The following CSNK1G1 variants were observed in gnomAD, a reference collection of about 807,000 sequenced individuals.
CSNK1G1 encodes the protein casein kinase 1 gamma 1.
A neutral mutation model predicts 59.6 loss-of-function variants in CSNK1G1; 22 were observed. That is an observed-to-expected ratio of 0.37 (90% CI 0.26 to 0.53). The LOEUF is 0.53. Ranked by LOEUF, CSNK1G1 falls within the 20% of genes least tolerant of loss-of-function variation. The probability of loss-of-function intolerance (pLI) is 0.89; values close to 1 mark genes in which losing one functional copy is unlikely to be tolerated. For synonymous variants in CSNK1G1, 179 were observed against 177.1 expected, an observed-to-expected ratio of 1.01 and a Z score of -0.08; for missense variants, 384 against 519.5, an observed-to-expected ratio of 0.74 and a Z score of 2.54.
chr15:64,278,686 C>CA (rs1893943184), intron 2 of CSNK1G1, among the ~76,000 whole-genome samples: 1 of 152,100 alleles, frequency 6.6e-6, no homozygotes, highest in African/African-American at 2.4e-5. Flanking sequence ...CTTGGCCTCC[C>CA]AAGTGCTGGG....
intron 1 of CSNK1G1, among the ~76,000 whole-genome samples, chr15:64,340,198 G>A (rs756546699): frequency 5.3e-5 from 8 of 152,104 alleles, no homozygotes; most frequent in African/African-American, 9.7e-5. Flanking sequence ...GTTACCTCTC[G>A]CATTACAGAA....
At chr15:64,310,552 TAAA>T (rs5813293) in intron 1 of CSNK1G1, among the ~76,000 whole-genome samples, 1 of 145,348 alleles carries the variant, frequency 6.9e-6, no homozygotes. Flanking sequence ...TGTGTCTCTA[TAAA>T]AAAAAAAAAA....
intron 4 of CSNK1G1, among the ~76,000 whole-genome samples, chr15:64,226,510 C>A (rs1415096980): frequency 6.6e-6 from 1 of 151,574 alleles, no homozygotes. Context: ...GAGCCAAGAT[C>A]GCAACACTGT....
chr15:64,346,618 C>T (rs189500076), intron 1 of CSNK1G1, among the ~76,000 whole-genome samples: 38 of 151,964 alleles, frequency 2.5e-4, no homozygotes, highest in African/African-American at 1.2e-4. Context: ...CCACCACACC[C>T]GGCTAATTTT....
intron 4 of CSNK1G1, among the ~76,000 whole-genome samples, chr15:64,224,180 A>G (rs1356216368): frequency 6.6e-6 from 1 of 152,176 alleles, no homozygotes; most frequent in Non-Finnish European, 1.5e-5. Flanking sequence ...TTTATTTTTT[A>G]ATGTTTAAAG....
chr15:64,176,865 C>T lies in CSNK1G1; in HGVS notation c.1214+3483G>A, dbSNP rs979550973. Among the ~76,000 whole-genome samples, 1 of 152,196 alleles carries T rather than the reference C, an allele frequency of 6.6e-6. No individual in the cohort carries two copies. The highest frequency in any genetic ancestry group is 1.5e-5 in the Non-Finnish European group (1 of 68,032). On this transcript the variant is annotated intron_variant, in intron 11 of 11. Coordinates refer to ENST00000303052, the MANE Select transcript of CSNK1G1 (RefSeq NM_022048.5). The surrounding 1 kb of genome is among the most constrained non-coding windows in gnomAD (Gnocchi z 5.2). ...GAAGATGAATCAGAGGAAGGAGGGT[C>T]ACTGCTCTGTATTAAGGTATAACTA...
At chr15:64,269,133 T>C (rs1893142078) in intron 2 of CSNK1G1, among the ~76,000 whole-genome samples, 1 of 152,364 alleles carries the variant, frequency 6.6e-6, no homozygotes, top group Non-Finnish European at 1.5e-5. Context: ...CCCACATTTA[T>C]TTCAATGTTT....
chr15:64,242,195 A>T (rs1265745889), intron 4 of CSNK1G1, among the ~76,000 whole-genome samples: 2 of 152,222 alleles, frequency 1.3e-5, no homozygotes, highest in African/African-American at 4.8e-5. Context: ...ATAAGACTGA[A>T]GCAGTAACTT....
chr15:64,329,118 G>C (rs976770812), intron 1 of CSNK1G1, among the ~76,000 whole-genome samples: 64 of 151,616 alleles, frequency 4.2e-4, no homozygotes, highest in African/African-American at 1.5e-3. Flanking sequence ...AGATCAACGA[G>C]ACAGAAAGTC....
rs2140193822 is a variant in CSNK1G1 at position 64,170,113 on chromosome 15, G to C, written c.*1818C>G. 1 of 152,336 alleles carries C rather than the reference G, an allele frequency of 6.6e-6. No individual in the cohort carries two copies. The highest frequency in any genetic ancestry group is 1.9e-4 in the East Asian group (1 of 5,186). 9.4% of individuals were successfully genotyped at this position (152,336 alleles called of 1,614,324 possible). A position where few individuals can be genotyped will look rare whatever the true frequency, so the allele number is the denominator to read the frequency against. On this transcript the variant is annotated 3_prime_UTR_variant, in exon 12 of 12. Coordinates refer to ENST00000303052, the MANE Select transcript of CSNK1G1 (RefSeq NM_022048.5). ...CCAGATACAAGACCTCTTTCCTGATGTAAATGACCCTTTCTCTTCTGTCAC... is the reference window on the plus strand; with the variant it reads ...CCAGATACAAGACCTCTTTCCTGATCTAAATGACCCTTTCTCTTCTGTCAC...
chr15:64,182,344 A>C (rs1184930292), intron 10 of CSNK1G1, among the ~76,000 whole-genome samples: 1 of 152,134 alleles, frequency 6.6e-6, no homozygotes, highest in African/African-American at 2.4e-5. Flanking sequence ...AAGTGCTGGG[A>C]TTACAGGCAC....
At chr15:64,264,246 C>G (rs1270749578) in intron 2 of CSNK1G1, among the ~76,000 whole-genome samples, 3 of 152,016 alleles carry the variant, frequency 2.0e-5, no homozygotes, top group Non-Finnish European at 2.9e-5. Context: ...AATCTGACAA[C>G]TATATGAGAA....
intron 4 of CSNK1G1, among the ~76,000 whole-genome samples, chr15:64,230,282 G>A (rs561323386): frequency 2.0e-4 from 30 of 151,360 alleles, no homozygotes; most frequent in Middle Eastern, 6.8e-3. Flanking sequence ...TTAGTATATA[G>A]TGCCAAATTG....
intron 1 of CSNK1G1, among the ~76,000 whole-genome samples, chr15:64,323,413 TGGAGTGCAATGGCGCAA>T (rs1324330784): frequency 6.6e-6 from 1 of 152,144 alleles, no homozygotes. Context: ...TTGCCCAGAC[TGGAGTGCAATGGCGCAA>T]TCTCGGCTCA....
At chr15:64,336,415 G>A (rs1378225476) in intron 1 of CSNK1G1, among the ~76,000 whole-genome samples, 2 of 152,112 alleles carry the variant, frequency 1.3e-5, no homozygotes, top group Admixed American at 6.6e-5. Context: ...AATGCTACCT[G>A]CACTCAATAC....
chr15:64,288,570 ATGTG>A (rs548317034), intron 2 of CSNK1G1, among the ~76,000 whole-genome samples: 6 of 151,170 alleles, frequency 4.0e-5, no homozygotes, highest in Non-Finnish European at 7.4e-5. Context: ...ATATGTGTGT[ATGTG>A]TGTGTGTGTT....
At chr15:64,245,885 T>G (rs970860364) in intron 4 of CSNK1G1, among the ~76,000 whole-genome samples, 2 of 152,204 alleles carry the variant, frequency 1.3e-5, no homozygotes, top group Non-Finnish European at 2.9e-5. Context: ...TTCTCGCTCA[T>G]GTGAAAACTT....
At chr15:64,262,681 T>G (rs1892756922) in intron 2 of CSNK1G1, among the ~76,000 whole-genome samples, 2 of 152,202 alleles carry the variant, frequency 1.3e-5, no homozygotes, top group South Asian at 4.1e-4. Flanking sequence ...TAAGATACAC[T>G]TTTCTTGGAT....
intron 4 of CSNK1G1, among the ~76,000 whole-genome samples, chr15:64,233,166 T>G (rs898061162): frequency 6.6e-6 from 1 of 152,224 alleles, no homozygotes; most frequent in African/African-American, 2.4e-5. Flanking sequence ...CAAGCAGTTC[T>G]GCACTTTGCA....
Sources: gnomAD v4.1 joint callset for allele counts (sites outside exome capture counted in the v4.1 genomes callset) on GRCh38, gnomAD v4.1.1 for gene constraint, Gnocchi (gnomAD v3.1) non-coding constraint, MANE v1.5 for transcripts, NCBI Gene and HGNC (gene_info 2026-07-23, HGNC 2026-07-21) for gene names.